Variants in RYR1 observed in about 807,000 individuals in gnomAD.
The protein encoded by RYR1 is ryanodine receptor 1.
RYR1 carries 342 observed loss-of-function variants against 583.5 expected under a neutral mutation model. The ratio of observed to expected loss-of-function variants is 0.59; its 90% CI spans 0.54 to 0.64. The LOEUF is 0.64. Ranked by LOEUF, RYR1 falls within the 30% of genes least tolerant of loss-of-function variation. The probability of loss-of-function intolerance (pLI) is 0.00; values close to 1 mark genes in which losing one functional copy is unlikely to be tolerated. For synonymous variants in RYR1, 2,791 were observed against 2,822.5 expected (o/e 0.99, Z 0.35); for missense variants, 6,032 against 6,917.2 (o/e 0.87, Z 4.54).
At position 38,561,054 on chromosome 19, in the gene RYR1, AAAAG is replaced by A. The variant is rs1295262153; in HGVS notation, c.12283-57_12283-54del. 262 of 1,466,076 alleles carry A rather than the reference AAAAG, an allele frequency of 1.8e-4. No homozygotes were observed. The highest frequency in any genetic ancestry group is 2.6e-4 in the South Asian group (21 of 80,442). The allele number at this position is 1,466,076 out of a possible 1,614,324, so 90.8% of individuals were successfully genotyped here. A position where few individuals can be genotyped will look rare whatever the true frequency, so the allele number is the denominator to read the frequency against. ...AGACCTTGTCTTAAAAAAAAAAAAAAAAAGAGAGAGAATTGAGGCTCTCCAGGTC... is the reference window on the plus strand; with the variant it reads ...AGACCTTGTCTTAAAAAAAAAAAAAAAGAGAGAATTGAGGCTCTCCAGGTC... On this transcript the variant is annotated intron_variant, in intron 89 of 105. Coordinates refer to ENST00000359596, the MANE Select transcript of RYR1 (RefSeq NM_000540.3). The surrounding 1 kb of genome is among the most constrained non-coding windows in gnomAD (Gnocchi z 4.8).
In RYR1 at chr19:38,445,433, C is replaced by T. The variant is rs75948789; in HGVS notation, c.631+756C>T. ...CAAAGCAAACTCCCAATTCAGATTC[C>T]CATGCTAAGACTCCAGGCATGGCCC... On this transcript the variant is annotated intron_variant, in intron 7 of 105. Coordinates refer to ENST00000359596, the MANE Select transcript of RYR1 (RefSeq NM_000540.3). Among the ~76,000 whole-genome samples the T allele has an allele frequency of 1.5e-3, 222 of 151,970 alleles. 4 individuals carry two copies. The East Asian group carries it at 0.033, about 23-fold the overall frequency.
intron 71 of RYR1, among the ~76,000 whole-genome samples, chr19:38,526,627 A>C (rs1600926411): frequency 1.7e-5 from 2 of 115,772 alleles, no homozygotes; most frequent in African/African-American, 3.4e-5. Context: ...GTGATCCCCC[A>C]TGACCTCTGC....
intron 66 of RYR1, 119 bp downstream of exon 66, chr19:38,517,810 T>C: frequency 3.1e-6 from 3 of 957,654 alleles, no homozygotes; most frequent in Non-Finnish European, 4.8e-6. Context: ...GAGTGTAGGT[T>C]TTTTCAGCAT....
At chr19:38,580,568 G>A in intron 101 of RYR1, 64 bp downstream of exon 101, 1 of 1,596,538 alleles carries the variant, frequency 6.3e-7, no homozygotes, top group Non-Finnish European at 8.6e-7. Context: ...AGTTAATAAT[G>A]GTACCTCCAG....
intron 30 of RYR1, 100 bp from the exon 31 acceptor site, chr19:38,478,335 G>C: frequency 7.5e-7 from 1 of 1,332,808 alleles, no homozygotes; most frequent in Non-Finnish European, 1.1e-6. Context: ...TTGGGGATGG[G>C]ACTCTGAGGT....
chr19:38,501,729 CT>C (rs2145609610), intron 47 of RYR1, among the ~76,000 whole-genome samples: 1 of 152,026 alleles, frequency 6.6e-6, no homozygotes, highest in East Asian at 1.9e-4. Context: ...TGGCTCACCC[CT>C]GTAATAACTT....
chr19:38,567,776 C>T lies in RYR1; in HGVS notation c.13518C>T (p.Ala4506=), dbSNP rs749640716. The change falls in exon 93 of 106, where the codon GCC becomes GCT. Residue 4506 remains alanine (A), a synonymous_variant. Transcript: ENST00000359596. ...CTCTCTCTGTCCTGCCCTGCAGTGC[C>T]GAGAATGGGGAGAAGGAAGAAGTTC... ...EPELEPEKAD[A]ENGEKEEVPE... 1.4e-5 allele frequency: 22 copies of T among 1,614,034 alleles called. No homozygotes were observed. The highest frequency in any genetic ancestry group is 6.7e-5 in the Admixed American group (4 of 59,982).
At position 38,478,499 on chromosome 19, in the gene RYR1, C is replaced by T. The variant is rs752736122; in HGVS notation, c.4519C>T (p.Arg1507Trp). The T allele has an allele frequency of 3.2e-5, 52 of 1,614,010 alleles. No homozygotes were observed. Among genetic ancestry groups the T allele is most frequent in the Non-Finnish European group, 4.1e-5 (48 of 1,180,046 alleles). The stretch of plus-strand genomic sequence containing the variant: ...CTTTGTGAGTCCCGGGCAGCAGGGC[C>T]GGATCAGCCACACGGACCTTGTCAT... ...GDFVSPGQQG[R>W]ISHTDLVIGC... Residue 1507 changes from arginine (R) to tryptophan (W), a missense_variant, in exon 31 of 106, where the codon CGG becomes TGG. Around this residue, in one of 11 missense-constraint regions of RYR1, gnomAD observed 2,627 missense variants for 2,961.3 expected, o/e 0.89. Coordinates refer to ENST00000359596, the MANE Select transcript of RYR1 (RefSeq NM_000540.3).
intron 37 of RYR1, among the ~76,000 whole-genome samples, chr19:38,491,667 C>G (rs1022506011): frequency 6.6e-6 from 1 of 152,024 alleles, no homozygotes; most frequent in Admixed American, 6.6e-5. Context: ...TGGGCTCAAG[C>G]AATTTGCATG....
chr19:38,443,583 C>T lies in RYR1; in HGVS notation c.296C>T (p.Thr99Met), dbSNP rs371406719. Reference sequence around the variant, plus strand: ...TCATCCCAGGGCGGGGGACACAGGACGCTCCTGTATGGCCATGCCATCCTG... The same window carrying T: ...TCATCCCAGGGCGGGGGACACAGGATGCTCCTGTATGGCCATGCCATCCTG... ...VESSQGGGHR[T>M]LLYGHAILLR... The change falls in exon 4 of 106, where the codon ACG becomes ATG. Residue 99 changes from threonine (T) to methionine (M), a missense_variant. Physicochemically the swap from Thr to Met is moderately conservative, Grantham distance 81 (BLOSUM62 -1). Transcript: ENST00000359596. 30 of 1,613,962 alleles carry T rather than the reference C, an allele frequency of 1.9e-5. No homozygotes were observed. The highest frequency in any genetic ancestry group is 6.7e-5 in the Admixed American group (4 of 59,998).
intron 97 of RYR1, among the ~76,000 whole-genome samples, chr19:38,577,688 C>G (rs980727133): frequency 2.0e-5 from 3 of 152,120 alleles, no homozygotes; most frequent in Non-Finnish European, 4.4e-5. Flanking sequence ...CCCAGCTACT[C>G]AGGTGGCTGA....
intron 101 of RYR1, among the ~76,000 whole-genome samples, chr19:38,582,734 C>T (rs184913995): frequency 1.3e-5 from 2 of 152,278 alleles, no homozygotes; most frequent in Admixed American, 6.5e-5. Context: ...TAATGGTGAT[C>T]ATAACCCAAA....
intron 84 of RYR1, among the ~76,000 whole-genome samples, chr19:38,538,396 T>C (rs1421804750): frequency 6.6e-6 from 1 of 151,940 alleles, no homozygotes; most frequent in Non-Finnish European, 1.5e-5. Context: ...CAAAACTCCA[T>C]CTCAAAAAAA....
intron 89 of RYR1, among the ~76,000 whole-genome samples, chr19:38,558,815 G>T (rs1390268323): frequency 1.5e-5 from 2 of 131,708 alleles, no homozygotes; most frequent in East Asian, 3.0e-4. Context: ...AATAGTCCAG[G>T]TGTGGTGGCT....
chr19:38,565,487 G>C lies in RYR1; in HGVS notation c.13153G>C (p.Asp4385His). ...GACCGAGCTCCTGGCAGGCATGCCC[G>C]ACCCCACCAGCGACGAGGTGCACGG... is the stretch of plus-strand genomic sequence containing the variant. ...TVTELLAGMP[D>H]PTSDEVHGEQ... Residue 4385 changes from aspartate (D) to histidine (H), a missense_variant, in exon 91 of 106, where the codon GAC becomes CAC. By Grantham distance (81) the Asp-to-His change is moderately conservative (BLOSUM62 -1). Coordinates refer to ENST00000359596, the MANE Select transcript of RYR1 (RefSeq NM_000540.3). This position sits in a 1 kb window ranked among gnomAD's most constrained non-coding sequence, Gnocchi z 4.7. 1 of 1,505,468 alleles carries C rather than the reference G, an allele frequency of 6.6e-7. No homozygotes were observed. Among genetic ancestry groups the C allele is most frequent in the Non-Finnish European group, 8.8e-7 (1 of 1,134,630 alleles). 93.3% of individuals were successfully genotyped at this position (1,505,468 alleles called of 1,614,324 possible).
At chr19:38,566,480 AAAAG>A (rs1027206776) in intron 91 of RYR1, among the ~76,000 whole-genome samples, 2 of 145,730 alleles carry the variant, frequency 1.4e-5, no homozygotes, top group African/African-American at 2.5e-5. Flanking sequence ...AAAAAAAAGG[AAAAG>A]AAAGACCAAG....
Position 38,459,249 on chromosome 19 carries a change from C to A in RYR1, c.2271C>A (p.Arg757=). Reference sequence around the variant, plus strand: ...TCAGCGTGCCGTCCATCTCCTTCCGCATCAACGGCTGCCCCGTGCAGGGTG... The same window carrying A: ...TCAGCGTGCCGTCCATCTCCTTCCGAATCAACGGCTGCCCCGTGCAGGGTG... ...LDLSVPSISF[R]INGCPVQGVF... is the part of the protein sequence containing the mutation. The change falls in exon 19 of 106, where the codon CGC becomes CGA. Residue 757 remains arginine, a synonymous_variant. Transcript: ENST00000359596. The A allele has an allele frequency of 6.2e-7, 1 of 1,614,148 alleles. No individual in the cohort carries two copies. The highest frequency in any genetic ancestry group is 1.1e-5 in the South Asian group (1 of 91,084).
intron 27 of RYR1, among the ~76,000 whole-genome samples, chr19:38,471,284 T>C (rs753551220): frequency 5.3e-5 from 8 of 152,132 alleles, no homozygotes; most frequent in Non-Finnish European, 1.2e-4. Flanking sequence ...ATCTCAGCAC[T>C]GTGGGAAGCC....
At position 38,498,226 on chromosome 19, in the gene RYR1, A is replaced by G. The variant is rs548733246; in HGVS notation, c.6892-882A>G. Among the ~76,000 whole-genome samples, 54 of 152,322 alleles carry G rather than the reference A, an allele frequency of 3.5e-4. 1 individual carries two copies. Among genetic ancestry groups the G allele is most frequent in the African/African-American group, 1.1e-3 (46 of 41,570 alleles). ...GGTCATGTGGCATCTCATCGGTCAC[A>G]ACAAGGGCTCTGGCTTTTACCCTGA... On this transcript the variant is annotated intron_variant, in intron 42 of 105. Coordinates refer to ENST00000359596, the MANE Select transcript of RYR1 (RefSeq NM_000540.3).
Sources: allele counts gnomAD v4.1 joint callset (sites outside exome capture counted in the v4.1 genomes callset), GRCh38; gene constraint gnomAD v4.1.1; regional missense constraint gnomAD v4.1.1; non-coding constraint Gnocchi (gnomAD v3.1); transcripts MANE v1.5; gene names NCBI Gene and HGNC (gene_info 2026-07-23, HGNC 2026-07-21).